COLEC11: variants seen among roughly 807,000 people sequenced by gnomAD.
COLEC11 encodes the protein collectin subfamily member 11.
COLEC11 carries 20 observed loss-of-function variants against 27.3 expected under a neutral mutation model. That is an observed-to-expected ratio of 0.73 (90% CI 0.51 to 1.06). The LOEUF is 1.06. COLEC11 is among the 50% of genes least tolerant of loss of function. The pLI is 0.00. For synonymous variants in COLEC11, 163 were observed against 154.7 expected, an observed-to-expected ratio of 1.05 and a Z score of -0.40; for missense variants, 310 against 383.0, an observed-to-expected ratio of 0.81 and a Z score of 1.59.
Position 3,643,877 on chromosome 2 carries a change from A to G in COLEC11, c.575A>G (p.Tyr192Cys), listed in dbSNP as rs1371482200. 1 of 1,613,708 alleles carries G rather than the reference A, an allele frequency of 6.2e-7. No homozygotes were observed. The highest frequency in any genetic ancestry group is 8.5e-7 in the Non-Finnish European group (1 of 1,180,014). ...GCTGCCAATGGCCTGATGGCCGCAT[A>G]CCTGGCGCAAGCCGGCCTGGCCCGT... is the stretch of plus-strand genomic sequence containing the variant. ...DEAANGLMAA[Y>C]LAQAGLARVF... The change falls in exon 7 of 7, where the codon TAC becomes TGC. Residue 192 changes from tyrosine to cysteine, a missense_variant. Transcript: ENST00000349077.
chr2:3,611,719 G>A (rs1663210136), intron 2 of COLEC11, among the ~76,000 whole-genome samples: 1 of 152,130 alleles, frequency 6.6e-6, no homozygotes, highest in Admixed American at 6.5e-5. Flanking sequence ...GGTGATGTGG[G>A]GATGGGCCTG....
Position 3,643,742 on chromosome 2 carries a change from G to A in COLEC11, c.440G>A (p.Arg147His), listed in dbSNP as rs746438566. The A allele has an allele frequency of 5.6e-5, 90 of 1,613,636 alleles. No individual in the cohort carries two copies. The highest frequency in any genetic ancestry group is 1.7e-4 in the Middle Eastern group (1 of 6,040). The change falls in exon 7 of 7, where the codon CGC (arginine) becomes CAC (histidine). Residue 147 changes from arginine to histidine, a missense_variant. Transcript: ENST00000349077. Reference protein sequence around the residue: ...KFIKNAVAGVRETESKIYLLV... With the variant: ...KFIKNAVAGVHETESKIYLLV... The stretch of plus-strand genomic sequence containing the variant: ...TACCCCACAGCTGTCGCCGGTGTGC[G>A]CGAGACGGAGAGCAAGATCTACCTG...
chr2:3,629,996 G>A (rs1214834803), intron 3 of COLEC11, among the ~76,000 whole-genome samples: 1 of 151,992 alleles, frequency 6.6e-6, no homozygotes, highest in Non-Finnish European at 1.5e-5. Flanking sequence ...ATGCATGAAT[G>A]TGTGCATGCA....
At chr2:3,642,614 C>G (rs1441043511) in intron 5 of COLEC11, among the ~76,000 whole-genome samples, 1 of 152,210 alleles carries the variant, frequency 6.6e-6, no homozygotes, top group African/African-American at 2.4e-5. Context: ...CTCTAGCGGC[C>G]TCACGTGTGC....
rs1008036806 is a variant in COLEC11, at chr2:3,643,551, C to T, written c.424+12C>T. 3 of 1,611,236 alleles carry T rather than the reference C, an allele frequency of 1.9e-6. No individual in the cohort carries two copies. The highest frequency in any genetic ancestry group is 2.7e-5 in the African/African-American group (2 of 74,880). ...GTTCATCAAGAATGGTATGTGGCTC[C>T]CGGCGCCGCCCTCGCTCCCTCCCAC... On this transcript the variant is annotated intron_variant, in intron 6 of 6. Coordinates refer to ENST00000349077, the MANE Select transcript of COLEC11 (RefSeq NM_024027.5).
At chr2:3,633,605 G>T (rs1303682332) in intron 3 of COLEC11, among the ~76,000 whole-genome samples, 1 of 152,164 alleles carries the variant, frequency 6.6e-6, no homozygotes. Flanking sequence ...CTCCTCGCGA[G>T]GGGACAGAGC....
At chr2:3,633,162 G>A (rs909672273) in intron 3 of COLEC11, among the ~76,000 whole-genome samples, 1 of 152,180 alleles carries the variant, frequency 6.6e-6, no homozygotes, top group Admixed American at 6.5e-5. Context: ...CCTGGAGGAC[G>A]AGGCCAGGCC....
At position 3,640,341 on chromosome 2, in the gene COLEC11, A is replaced by T; in HGVS notation, c.328+10A>T. 1.3e-6 allele frequency: 2 copies of T among 1,505,526 alleles called. No individual in the cohort carries two copies. The highest frequency in any genetic ancestry group is 1.8e-6 in the Non-Finnish European group (2 of 1,081,228). The allele number at this position is 1,505,526 out of a possible 1,614,324, so 93.3% of individuals were successfully genotyped here. On this transcript the variant is annotated intron_variant, in intron 5 of 6. Coordinates refer to ENST00000349077, the MANE Select transcript of COLEC11 (RefSeq NM_024027.5). ...CCTAATGGAGAACCAGGTATGGCAT[A>T]AAGGGTCCAAGGATTTTTAATAAAA... is the stretch of plus-strand genomic sequence containing the variant.
Position 3,604,391 on chromosome 2 carries a change from G to A in COLEC11, c.51G>A (p.Leu17=). ...GCGTTCTAATCAGCCTGGCCTTCCT[G>A]TCACTGCTGCCATCTGGACATCCTC... ...LVGVLISLAF[L]SLLPSGHPQP... The change falls in exon 2 of 7, where the codon CTG becomes CTA. Residue 17 remains leucine (L), a synonymous_variant. Coordinates refer to ENST00000349077, the MANE Select transcript of COLEC11 (RefSeq NM_024027.5). 1 of 1,614,234 alleles carries A rather than the reference G, an allele frequency of 6.2e-7. No individual in the cohort carries two copies. Among genetic ancestry groups the A allele is most frequent in the Non-Finnish European group, 8.5e-7 (1 of 1,180,040 alleles).
rs1278469295 is a variant in COLEC11 at position 3,643,485 on chromosome 2, G to C, written c.370G>C (p.Glu124Gln). ...ECSQLRKAIG[E>Q]MDNQVSQLTS... Reference sequence around the variant, plus strand: ...CAGCCAGCTGCGCAAGGCCATCGGGGAGATGGACAACCAGGTCTCTCAGCT... The same window carrying C: ...CAGCCAGCTGCGCAAGGCCATCGGGCAGATGGACAACCAGGTCTCTCAGCT... The change falls in exon 6 of 7, where the codon GAG (glutamate) becomes CAG (glutamine). Residue 124 changes from glutamate (E) to glutamine (Q), a missense_variant. Physicochemically the swap from Glu to Gln is conservative, Grantham distance 29. Transcript: ENST00000349077. 3 of 1,613,852 alleles carry C rather than the reference G, an allele frequency of 1.9e-6. No individual in the cohort carries two copies. Among genetic ancestry groups the C allele is most frequent in the Non-Finnish European group, 2.5e-6 (3 of 1,180,024 alleles).
At chr2:3,614,149 G>GT (rs397691454) in intron 3 of COLEC11, among the ~76,000 whole-genome samples, 1 of 150,128 alleles carries the variant, frequency 6.7e-6, no homozygotes, top group Non-Finnish European at 1.5e-5. Context: ...TTTTTGGGGG[G>GT]TATTTTTAGT....
At chr2:3,609,889 C>T (rs1663055624) in intron 2 of COLEC11, among the ~76,000 whole-genome samples, 1 of 152,220 alleles carries the variant, frequency 6.6e-6, no homozygotes. Flanking sequence ...GTCTCAAACT[C>T]CTGCCTTTAA....
intron 3 of COLEC11, among the ~76,000 whole-genome samples, chr2:3,630,570 A>C (rs1333857407): frequency 1.3e-5 from 2 of 152,218 alleles, no homozygotes; most frequent in Non-Finnish European, 2.9e-5. Context: ...AAGAAGTCAG[A>C]AAGAGCCAAA....
intron 4 of COLEC11, among the ~76,000 whole-genome samples, chr2:3,637,974 G>C (rs1254910818): frequency 6.6e-6 from 1 of 152,180 alleles, no homozygotes; most frequent in Non-Finnish European, 1.5e-5. Flanking sequence ...CTGGAGGCAC[G>C]GCATCTGTTC....
intron 1 of COLEC11, chr2:3,603,533 T>G (rs1254114063): frequency 2.1e-6 from 2 of 933,960 alleles, no homozygotes; most frequent in Non-Finnish European, 3.4e-6. Flanking sequence ...TCCAGACTGG[T>G]CTCGAACTCC....
At chr2:3,619,437 G>T (rs1023494003) in intron 3 of COLEC11, among the ~76,000 whole-genome samples, 1 of 152,156 alleles carries the variant, frequency 6.6e-6, no homozygotes, top group Non-Finnish European at 1.5e-5. Context: ...GTGTTGAGGT[G>T]CATTCTTTGT....
intron 3 of COLEC11, among the ~76,000 whole-genome samples, chr2:3,632,453 C>T (rs1460977397): frequency 2.0e-5 from 3 of 152,182 alleles, no homozygotes; most frequent in Admixed American, 6.5e-5. Context: ...GGCTGCTGTC[C>T]GGGGCTTACA....
chr2:3,643,924 C>G lies in COLEC11; in HGVS notation c.622C>G (p.Leu208Val), dbSNP rs1471620221. 7.4e-6 allele frequency: 12 copies of G among 1,614,132 alleles called. No homozygotes were observed. Among genetic ancestry groups the G allele is most frequent in the Non-Finnish European group, 1.0e-5 (12 of 1,180,046 alleles). ...LARVFIGIND[L>V]EKEGAFVYSD... ...CCGTGTCTTCATCGGCATCAACGAC[C>G]TGGAGAAGGAGGGCGCCTTCGTGTA... The change falls in exon 7 of 7, where the codon CTG becomes GTG. Residue 208 changes from leucine to valine, a missense_variant. Coordinates refer to ENST00000349077, the MANE Select transcript of COLEC11 (RefSeq NM_024027.5).
chr2:3,606,310 C>T, intron 2 of COLEC11: 1 of 1,394,552 alleles, frequency 7.2e-7, no homozygotes, highest in East Asian at 2.5e-5. Flanking sequence ...GCCGCCTTTC[C>T]CAGGTGCTGT....
Sources: gnomAD v4.1 joint callset for allele counts (sites outside exome capture counted in the v4.1 genomes callset) on GRCh38, gnomAD v4.1.1 for gene constraint, MANE v1.5 for transcripts, NCBI Gene and HGNC (gene_info 2026-07-23, HGNC 2026-07-21) for gene names.